TTN: variants seen among roughly 807,000 people sequenced by gnomAD.
TTN encodes titin.
TTN carries 1,525 observed loss-of-function variants against 3,223.0 expected under a neutral mutation model. The ratio of observed to expected loss-of-function variants is 0.47; its 90% CI spans 0.45 to 0.49. The LOEUF is 0.49. Among genes scored for constraint, TTN ranks in the 20% least tolerant of loss-of-function variants. TTN has a pLI of 0.00. For missense variants in TTN, 40,786 were observed against 43,424.0 expected (o/e 0.94, Z 5.40); for synonymous variants, 14,094 against 15,161.0 (o/e 0.93, Z 5.17).
At chr2:178,745,993 G>T (rs1200818868) in intron 47 of TTN, 3 of 1,612,582 alleles carry the variant, frequency 1.9e-6, no homozygotes, top group African/African-American at 2.7e-5. Flanking sequence ...AATCTCCCAT[G>T]GTGAGGAATC....
chr2:178,637,855 A>G (rs1045523899), intron 223 of TTN, among the ~76,000 whole-genome samples: 1 of 152,082 alleles, frequency 6.6e-6, no homozygotes, highest in African/African-American at 2.4e-5. Flanking sequence ...TTTTATGTCT[A>G]AATTGGGCAG....
chr2:178,704,620 A>G lies in TTN; in HGVS notation c.29852T>C (p.Ile9951Thr), dbSNP rs1482211815. The G allele has an allele frequency of 6.2e-7, 1 of 1,612,824 alleles. No homozygotes were observed. Among genetic ancestry groups the G allele is most frequent in the Admixed American group, 1.7e-5 (1 of 59,864 alleles). Residue 9951 changes from isoleucine (I) to threonine (T), a missense_variant, in exon 105 of 363, where the codon ATT (isoleucine) becomes ACT (threonine). By Grantham distance (89) the Ile-to-Thr change is moderately conservative. Coordinates refer to ENST00000589042, the MANE Select transcript of TTN (RefSeq NM_001267550.2). ...LEPSDKFEIS[I>T]DGDRHTLRVK... ...TCTGAGTGTATGTCGGTCACCATCAATGCTTATTTCAAATTTATCACTGGG... is the reference window on the plus strand; with the variant it reads ...TCTGAGTGTATGTCGGTCACCATCAGTGCTTATTTCAAATTTATCACTGGG...
rs1189735228 is a variant in TTN, at chr2:178,775,004, A to G, written c.6707T>C (p.Ile2236Thr). The part of the protein sequence containing the change: ...RKVHFLSILT[I>T]DTSDAEDYSC... ...GTAATCTTCAGCATCAGACGTATCA[A>G]TGGTCAGTATGGAGAGGAAGTGAAC... Residue 2236 changes from isoleucine to threonine, a missense_variant, in exon 29 of 363, where the codon ATT becomes ACT. Physicochemically the swap from Ile to Thr is moderately conservative, Grantham distance 89 (BLOSUM62 -1). Coordinates refer to ENST00000589042, the MANE Select transcript of TTN (RefSeq NM_001267550.2). 2.5e-6 allele frequency: 4 copies of G among 1,614,050 alleles called. No individual in the cohort carries two copies. Among genetic ancestry groups the G allele is most frequent in the South Asian group, 2.2e-5 (2 of 91,082 alleles).
chr2:178,591,994 C>T lies in TTN; in HGVS notation c.59910G>A (p.Lys19970=). The change falls in exon 302 of 363, where the codon AAG becomes AAA. Residue 19970 remains lysine (K), a synonymous_variant. Coordinates refer to ENST00000589042, the MANE Select transcript of TTN (RefSeq NM_001267550.2). ...GCAACTTACGGAGAGGATCCAAAGC[C>T]TTGATTGGTTTTGGTGTTTCAACAA... ...GPFVETPKPI[K]ALDPLHPPGP... is the part of the protein sequence containing the mutation. The T allele has an allele frequency of 6.2e-7, 1 of 1,612,762 alleles. No individual in the cohort carries two copies. Among genetic ancestry groups the T allele is most frequent in the Non-Finnish European group, 8.5e-7 (1 of 1,179,396 alleles).
intron 349 of TTN, 22 bp from the exon 350 acceptor site, chr2:178,541,606 C>T (rs1694547802): frequency 1.3e-6 from 2 of 1,575,498 alleles, no homozygotes; most frequent in Non-Finnish European, 1.7e-6. Context: ...CAGAGGTTAA[C>T]ACGATATGGC....
intron 79 of TTN, 72 bp from the exon 80 acceptor site, chr2:178,720,735 C>A: frequency 6.9e-7 from 1 of 1,446,872 alleles, no homozygotes; most frequent in South Asian, 1.5e-5. Context: ...AAATCTAGAA[C>A]CTTGAAGAGT....
At position 178,612,447 on chromosome 2, in the gene TTN, A is replaced by G. The variant is rs927020149; in HGVS notation, c.50078T>C (p.Val16693Ala). 9 of 1,612,322 alleles carry G rather than the reference A, an allele frequency of 5.6e-6. No homozygotes were observed. Among genetic ancestry groups the G allele is most frequent in the Non-Finnish European group, 7.6e-6 (9 of 1,179,190 alleles). The change falls in exon 266 of 363, where the codon GTC becomes GCC. Residue 16693 changes from valine to alanine, a missense_variant. Val to Ala is a moderately conservative substitution (Grantham distance 64, BLOSUM62 0). Transcript: ENST00000589042. ...CACTGTTTGCCAGCCTTTTCGCCTG[A>G]CGTCTCTCTTTTCCACAATGTAGTT... Reference protein sequence around the residue: ...ITNYIVEKRDVRRKGWQTVDT... With the variant: ...ITNYIVEKRDARRKGWQTVDT...
In TTN at chr2:178,741,176, C is replaced by T. The variant is rs774370502; in HGVS notation, c.12057G>A (p.Glu4019=). 6.2e-7 allele frequency: 1 copy of T among 1,613,440 alleles called. No individual in the cohort carries two copies. The highest frequency in any genetic ancestry group is 8.5e-7 in the Non-Finnish European group (1 of 1,179,830). ...CAAGCAGCTCTGCTGCACAGGTGGA[C>T]TCACCCAACATATTCTCTGCTTTAC... is the stretch of plus-strand genomic sequence containing the variant. ...YICKAENMLG[E]STCAAELLVL... Residue 4019 remains glutamate (E), a synonymous_variant, in exon 48 of 363, where the codon GAG becomes GAA. Coordinates refer to ENST00000589042, the MANE Select transcript of TTN (RefSeq NM_001267550.2).
In TTN at chr2:178,538,758, C is replaced by G. The variant is rs1692930141; in HGVS notation, c.99071G>C (p.Cys33024Ser). The stretch of plus-strand genomic sequence containing the variant: ...TCCAAGAATTTCTTTACCACCATCA[C>G]ATTCAGGTTTCTCCCACTGTAGAGT... The part of the protein sequence containing the change: ...SVTLQWEKPE[C>S]DGGKEILGYW... Residue 33024 changes from cysteine (C) to serine (S), a missense_variant, in exon 354 of 363, where the codon TGT (cysteine) becomes TCT (serine). Transcript: ENST00000589042. 1.9e-6 allele frequency: 3 copies of G among 1,613,614 alleles called. No homozygotes were observed. Among genetic ancestry groups the G allele is most frequent in the Non-Finnish European group, 1.7e-6 (2 of 1,179,724 alleles).
In TTN at chr2:178,617,112, C is replaced by CTATT. The variant is rs753206674; in HGVS notation, c.47875+4_47875+7dup. 2 of 1,610,256 alleles carry CTATT rather than the reference C, an allele frequency of 1.2e-6. No individual in the cohort carries two copies. The highest frequency in any genetic ancestry group is 2.7e-5 in the African/African-American group (2 of 74,698). ...ATTCCCCGATCTAAAAATAAAATAT[C>CTATT]TATTTACCAAATGCATCGTCAGCGG... On this transcript the variant is annotated splice_region_variant and intron_variant, in intron 255 of 362. Transcript: ENST00000589042.
chr2:178,599,730 T>C lies in TTN; in HGVS notation c.56171A>G (p.Lys18724Arg), dbSNP rs201091423. ...PTLTWFKAPPKKPDNKEPVLY... is the reference protein window; with the variant it reads ...PTLTWFKAPPRKPDNKEPVLY... ...AACAGGTTCTTTGTTATCAGGCTTC[T>C]TTGGAGGAGCTTTAAACCAGGTTAG... The change falls in exon 289 of 363, where the codon AAG becomes AGG. Residue 18724 changes from lysine (K) to arginine (R), a missense_variant. Transcript: ENST00000589042. 68 of 1,612,982 alleles carry C rather than the reference T, an allele frequency of 4.2e-5. No homozygotes were observed. The highest frequency in any genetic ancestry group is 5.4e-5 in the Non-Finnish European group (64 of 1,179,328).
rs571328201 is a variant in TTN, at chr2:178,565,466, T to A, written c.80666A>T (p.Tyr26889Phe). Reference sequence around the variant, plus strand: ...AAGATCTTCTCCAGCTTGGATACTATATGTGTTAAATGGTAACTTTAAACT... The same window carrying A: ...AAGATCTTCTCCAGCTTGGATACTAAATGTGTTAAATGGTAACTTTAAACT... The part of the protein sequence containing the change: ...QPSLKLPFNT[Y>F]SIQAGEDLKI... Residue 26889 changes from tyrosine to phenylalanine, a missense_variant, in exon 326 of 363, where the codon TAT becomes TTT. Physicochemically the swap from Tyr to Phe is conservative, Grantham distance 22. Transcript: ENST00000589042. 4 of 1,613,350 alleles carry A rather than the reference T, an allele frequency of 2.5e-6. No individual in the cohort carries two copies. Among genetic ancestry groups the A allele is most frequent in the Non-Finnish European group, 3.4e-6 (4 of 1,179,590 alleles).
Position 178,782,387 on chromosome 2 carries a change from G to C in TTN, c.3205C>G (p.Leu1069Val), listed in dbSNP as rs759873829. The change falls in exon 20 of 363, where the codon CTC becomes GTC. Residue 1069 changes from leucine (L) to valine (V), a missense_variant. Physicochemically the swap from Leu to Val is conservative, Grantham distance 32. Coordinates refer to ENST00000589042, the MANE Select transcript of TTN (RefSeq NM_001267550.2). ...SRDVVMTDTS[L>V]TEEQAGPGEP... ...CCAGGCCCTGCTTGTTCCTCTGTGA[G>C]GCTAGTATCAGTCATAACCACATCT... The C allele has an allele frequency of 3.1e-5, 50 of 1,613,932 alleles. No homozygotes were observed. The highest frequency in any genetic ancestry group is 4.0e-5 in the Non-Finnish European group (47 of 1,179,986).
chr2:178,618,579 C>T lies in TTN; in HGVS notation c.46966+5G>A, dbSNP rs559416607. 1.9e-6 allele frequency: 3 copies of T among 1,611,150 alleles called. No homozygotes were observed. Among genetic ancestry groups the T allele is most frequent in the East Asian group, 4.5e-5 (2 of 44,758 alleles). ...CAATTAAGTCTGAGAGACCCAAGGG[C>T]TTACCAATAACTTTTAAATTGATGA... is the stretch of plus-strand genomic sequence containing the variant. On this transcript the variant is annotated splice_donor_5th_base_variant and intron_variant, in intron 251 of 362. Coordinates refer to ENST00000589042, the MANE Select transcript of TTN (RefSeq NM_001267550.2).
chr2:178,782,006 T>C (rs575591316), intron 20 of TTN, among the ~76,000 whole-genome samples: 1 of 152,252 alleles, frequency 6.6e-6, no homozygotes, highest in South Asian at 2.1e-4. Flanking sequence ...TAAAGAAATA[T>C]ATCTTCCATC....
In TTN at chr2:178,569,948, G is replaced by A. The variant is rs1311650365; in HGVS notation, c.76184C>T (p.Ala25395Val). ...AATAGGATCACAAGCCTTTTGGTAA[G>A]CAGAAGGAGGGCTTGGTTCACTAAG... ...AGLSEPSPPS[A>V]YQKACDPIYK... The change falls in exon 326 of 363, where the codon GCT (alanine) becomes GTT (valine). Residue 25395 changes from alanine (A) to valine (V), a missense_variant. Physicochemically the swap from Ala to Val is moderately conservative, Grantham distance 64 (BLOSUM62 0). Coordinates refer to ENST00000589042, the MANE Select transcript of TTN (RefSeq NM_001267550.2). The A allele has an allele frequency of 6.2e-7, 1 of 1,612,510 alleles. No individual in the cohort carries two copies. The highest frequency in any genetic ancestry group is 8.5e-7 in the Non-Finnish European group (1 of 1,179,132).
Position 178,727,614 on chromosome 2 carries a change from T to C in TTN, c.19964A>G (p.Asp6655Gly), listed in dbSNP as rs772947420. 10 of 1,590,220 alleles carry C rather than the reference T, an allele frequency of 6.3e-6. No homozygotes were observed. The African/African-American group carries it at 1.2e-4, about 19-fold the overall frequency. Residue 6655 changes from aspartate (D) to glycine (G), a missense_variant, in exon 68 of 363, where the codon GAC becomes GGC. Asp to Gly is a moderately conservative substitution (Grantham distance 94). Coordinates refer to ENST00000589042, the MANE Select transcript of TTN (RefSeq NM_001267550.2). ...TCHVTNDVGS[D>G]SCTTMLLVTE... ...CACAAGCAACATCGTAGTACAAGAG[T>C]CGCTACCAACATCATTGGTAACATG...
At chr2:178,766,635 AAAC>A (rs566665016) in intron 40 of TTN, 23 bp from the exon 41 acceptor site, 66 of 1,581,792 alleles carry the variant, frequency 4.2e-5, no homozygotes, top group East Asian at 2.5e-4. Flanking sequence ...CAACATAAAA[AAAC>A]AACAACAACA....
intron 351 of TTN, 49 bp from the exon 352 acceptor site, chr2:178,540,015 A>C: frequency 6.2e-7 from 1 of 1,602,110 alleles, no homozygotes; most frequent in South Asian, 1.1e-5. Flanking sequence ...TAGGGGGACT[A>C]AGAAATAAGT....
Sources: allele counts gnomAD v4.1 joint callset (sites outside exome capture counted in the v4.1 genomes callset), GRCh38; gene constraint gnomAD v4.1.1; transcripts MANE v1.5; gene names NCBI Gene and HGNC (gene_info 2026-07-23, HGNC 2026-07-21).